ABCA13: variants seen among roughly 807,000 people sequenced by gnomAD.
ABCA13 encodes ATP-binding cassette sub-family A member 13.
In ABCA13, 476 loss-of-function variants were observed where a neutral mutation model predicts 478.7. The ratio of observed to expected loss-of-function variants is 0.99; its 90% confidence interval spans 0.92 to 1.07. The LOEUF is 1.07. Ranked by LOEUF, ABCA13 falls within the 50% of genes least tolerant of loss-of-function variation. The pLI, the probability that ABCA13 is intolerant of heterozygous loss-of-function variation, is 0.00. For missense variants in ABCA13, 6,060 were observed against 5,910.6 expected, an observed-to-expected ratio of 1.03 and a Z score of -0.83; for synonymous variants, 2,252 against 2,158.9, an observed-to-expected ratio of 1.04 and a Z score of -1.20.
intron 41 of ABCA13, among the ~76,000 whole-genome samples, chr7:48,420,943 A>G (rs888082307): frequency 2.0e-5 from 3 of 152,110 alleles, no homozygotes; most frequent in East Asian, 1.9e-4. Flanking sequence ...CATGACCTCA[A>G]TATTTTTGAA....
chr7:48,489,167 C>A (rs1240224788), intron 47 of ABCA13, 69 bp from the exon 48 acceptor site: 1 of 1,319,204 alleles, frequency 7.6e-7, no homozygotes, highest in Non-Finnish European at 1.1e-6. Context: ...CCTTAAATCC[C>A]AGAATAGTTG....
At chr7:48,301,374 T>C (rs1051981069) in intron 23 of ABCA13, among the ~76,000 whole-genome samples, 1 of 152,188 alleles carries the variant, frequency 6.6e-6, no homozygotes, top group East Asian at 1.9e-4. Context: ...GCATAATTTA[T>C]GGAGAGGGAG....
intron 48 of ABCA13, among the ~76,000 whole-genome samples, chr7:48,497,833 T>G (rs573870530): frequency 1.1e-4 from 17 of 152,318 alleles, no homozygotes; most frequent in African/African-American, 3.1e-4. Flanking sequence ...GCTGGCTCAC[T>G]TTGAAAGTAT....
chr7:48,222,318 A>T (rs1156804293), intron 5 of ABCA13, among the ~76,000 whole-genome samples: 2 of 152,252 alleles, frequency 1.3e-5, no homozygotes, highest in African/African-American at 4.8e-5. Context: ...CATTTAAAAA[A>T]GAAATTATAA....
At chr7:48,600,766 T>G (rs1452547047) in intron 58 of ABCA13, among the ~76,000 whole-genome samples, 1 of 152,144 alleles carries the variant, frequency 6.6e-6, no homozygotes, top group Non-Finnish European at 1.5e-5. Flanking sequence ...TTTATACACT[T>G]TTAAATCTTT....
At chr7:48,316,882 C>T (rs988107174) in intron 26 of ABCA13, among the ~76,000 whole-genome samples, 5 of 152,234 alleles carry the variant, frequency 3.3e-5, no homozygotes, top group African/African-American at 7.2e-5. Context: ...ACACTCATTA[C>T]TGTGACAATG....
rs1200051689 is a variant in ABCA13 at position 48,403,726 on chromosome 7, A to G, written c.11917A>G (p.Thr3973Ala). The change falls in exon 39 of 62, where the codon ACC becomes GCC. Residue 3973 changes from threonine to alanine, a missense_variant. Thr to Ala is a moderately conservative substitution (Grantham distance 58). Around this residue, in one of 3 missense-constraint regions of ABCA13, gnomAD observed 1,627 missense variants for 1,571.0 expected, o/e 1.04. Transcript: ENST00000435803. ...VDLTQHQHKQ[T>A]RALSGGLKRK... ...CTTAACTCAGCATCAGCACAAACAGACCCGAGCTCTGTCTGGAGGCCTGAA... is the reference window on the plus strand; with the variant it reads ...CTTAACTCAGCATCAGCACAAACAGGCCCGAGCTCTGTCTGGAGGCCTGAA... 2.5e-6 allele frequency: 4 copies of G among 1,613,794 alleles called. No homozygotes were observed. Among genetic ancestry groups the G allele is most frequent in the Non-Finnish European group, 2.5e-6 (3 of 1,179,876 alleles).
chr7:48,646,487 G>A lies in ABCA13; in HGVS notation c.*975G>A, dbSNP rs1795441319. 6.6e-6 allele frequency: 1 copy of A among 152,036 alleles called. No individual in the cohort carries two copies. Among genetic ancestry groups the A allele is most frequent in the Non-Finnish European group, 1.5e-5 (1 of 68,006 alleles). 9.4% of individuals were successfully genotyped at this position (152,036 alleles called of 1,614,324 possible). A position where few individuals can be genotyped will look rare whatever the true frequency, so the allele number is the denominator to read the frequency against. ...GTCTGGTTACCTCCTAGTTATACAA[G>A]CAAAATCTGCATAGTATGTAGTCTT... On this transcript the variant is annotated 3_prime_UTR_variant, in exon 62 of 62. Transcript: ENST00000435803.
chr7:48,521,687 T>C (rs1181719810), intron 53 of ABCA13, among the ~76,000 whole-genome samples: 1 of 152,194 alleles, frequency 6.6e-6, no homozygotes, highest in Non-Finnish European at 1.5e-5. Flanking sequence ...TCAAAAGATT[T>C]TTCTTTAAAG....
intron 42 of ABCA13, among the ~76,000 whole-genome samples, chr7:48,437,927 A>G (rs1251806549): frequency 1.3e-5 from 2 of 152,012 alleles, no homozygotes; most frequent in Non-Finnish European, 2.9e-5. Flanking sequence ...AGAAAGTCTC[A>G]CCTTTTTATC....
intron 55 of ABCA13, among the ~76,000 whole-genome samples, chr7:48,576,204 G>T (rs1432548276): frequency 1.3e-5 from 2 of 151,876 alleles, no homozygotes; most frequent in Non-Finnish European, 2.9e-5. Flanking sequence ...CACCCCCCAT[G>T]GATATAGAAA....
At chr7:48,560,881 T>C (rs1786383491) in intron 55 of ABCA13, among the ~76,000 whole-genome samples, 1 of 152,194 alleles carries the variant, frequency 6.6e-6, no homozygotes, top group Non-Finnish European at 1.5e-5. Context: ...CAGTCTTTGG[T>C]AATCATGATT....
At position 48,192,962 on chromosome 7, in the gene ABCA13, C is replaced by G. The variant is rs1354858883; in HGVS notation, c.73C>G (p.Leu25Val). 8.0e-6 allele frequency: 12 copies of G among 1,505,982 alleles called. 1 individual carries two copies. The Admixed American group carries it at 1.8e-4, about 22-fold the overall frequency. The allele number at this position is 1,505,982 out of a possible 1,614,324, so 93.3% of individuals were successfully genotyped here. A position where few individuals can be genotyped will look rare whatever the true frequency, so the allele number is the denominator to read the frequency against. Residue 25 changes from leucine to valine, a missense_variant, in exon 2 of 62, where the codon CTT (leucine) becomes GTT (valine). Physicochemically the swap from Leu to Val is conservative, Grantham distance 32 (BLOSUM62 1). This residue lies in a region of ABCA13 where 4,423 missense variants were observed against 4,309.1 expected (regional missense o/e 1.03). Transcript: ENST00000435803. ...TTTTTTTTTTTTAATTTTCTAGGTC[C>G]TTTTCCTTGCTGAATTCTTCTGGCC... ...NWLCRLRNPV[L>V]FLAEFFWPCI... is the part of the protein sequence containing the mutation.
chr7:48,273,013 A>G lies in ABCA13; in HGVS notation c.3347A>G (p.Glu1116Gly). ...TCTTCCGTAAATTATTCAACAAGTG[A>G]GGAGTCTTCATTTGTTTTTCCATTG... ...HISSVNYSTS[E>G]ESSFVFPLAQ... Residue 1116 changes from glutamate (E) to glycine (G), a missense_variant, in exon 17 of 62, where the codon GAG (glutamate) becomes GGG (glycine). By Grantham distance (98) the Glu-to-Gly change is moderately conservative. Coordinates refer to ENST00000435803, the MANE Select transcript of ABCA13 (RefSeq NM_152701.5). 1 of 1,613,682 alleles carries G rather than the reference A, an allele frequency of 6.2e-7. No homozygotes were observed. Among genetic ancestry groups the G allele is most frequent in the Non-Finnish European group, 8.5e-7 (1 of 1,179,730 alleles).
Position 48,355,766 on chromosome 7 carries a change from C to T in ABCA13, c.10688+3279C>T, listed in dbSNP as rs529844466. Among the ~76,000 whole-genome samples the T allele has an allele frequency of 1.7e-4, 26 of 152,008 alleles. No homozygotes were observed. In the South Asian group the frequency reaches 3.7e-3, roughly 22 times the overall value. On this transcript the variant is annotated intron_variant, in intron 31 of 61. Transcript: ENST00000435803. The stretch of plus-strand genomic sequence containing the variant: ...TGATAGAGAGACATCGAGGAAGATT[C>T]CCCTATTTTGGTCCAAGTAACTGGA...
In ABCA13 at chr7:48,279,748, T is replaced by G. The variant is rs753457828; in HGVS notation, c.8554T>G (p.Phe2852Val). ...RTLFQPLFEI[F>V]IKATTGKNVT... The stretch of plus-strand genomic sequence containing the variant: ...TTTGTTTCAGCCACTTTTTGAGATT[T>G]TCATTAAAGCAACCACCGGAAAGAA... Residue 2852 changes from phenylalanine (F) to valine (V), a missense_variant, in exon 18 of 62, where the codon TTC (phenylalanine) becomes GTC (valine). Phe to Val is a conservative substitution (Grantham distance 50, BLOSUM62 -1). Around this residue, in one of 3 missense-constraint regions of ABCA13, gnomAD observed 4,423 missense variants for 4,309.1 expected, o/e 1.03. Transcript: ENST00000435803. 1 of 1,612,712 alleles carries G rather than the reference T, an allele frequency of 6.2e-7. No homozygotes were observed. Among genetic ancestry groups the G allele is most frequent in the Admixed American group, 1.7e-5 (1 of 59,826 alleles).
rs1795466814 is a variant in ABCA13 at position 48,646,835 on chromosome 7, T to A, written c.*1323T>A. The A allele has an allele frequency of 6.6e-6, 1 of 152,208 alleles. No homozygotes were observed. The highest frequency in any genetic ancestry group is 1.5e-5 in the Non-Finnish European group (1 of 68,040). The allele number at this position is 152,208 out of a possible 1,614,324, so 9.4% of individuals were successfully genotyped here. On this transcript the variant is annotated 3_prime_UTR_variant, in exon 62 of 62. Coordinates refer to ENST00000435803, the MANE Select transcript of ABCA13 (RefSeq NM_152701.5). ...TGTCCGGCCGTAGTTTATTTTAAAA[T>A]ATATTTTTAAAAGCTTTGTAAAAAT... is the stretch of plus-strand genomic sequence containing the variant.
chr7:48,487,485 G>GT lies in ABCA13; in HGVS notation c.13183-1741dup, dbSNP rs201697188. Reference sequence around the variant, plus strand: ...TACTGTAGTGTGGTGTCATTTTTAAGTTTTTTTTTTAATCACTCTACTTTT... The same window carrying GT: ...TACTGTAGTGTGGTGTCATTTTTAAGTTTTTTTTTTTAATCACTCTACTTTT... On this transcript the variant is annotated intron_variant, in intron 47 of 61. Transcript: ENST00000435803. Among the ~76,000 whole-genome samples the GT allele has an allele frequency of 9.2e-3, 1,372 of 149,048 alleles. 18 individuals are homozygous for GT. The highest frequency in any genetic ancestry group is 0.03 in the African/African-American group (1,216 of 40,734).
At chr7:48,230,259 C>A (rs879572112) in intron 7 of ABCA13, among the ~76,000 whole-genome samples, 2 of 152,120 alleles carry the variant, frequency 1.3e-5, no homozygotes, top group Non-Finnish European at 2.9e-5. Flanking sequence ...TTAGACCTAT[C>A]ACTAGCTCTG....
Sources: allele counts gnomAD v4.1 joint callset (sites outside exome capture counted in the v4.1 genomes callset), GRCh38; gene constraint gnomAD v4.1.1; regional missense constraint gnomAD v4.1.1; transcripts MANE v1.5; gene names NCBI Gene and HGNC (gene_info 2026-07-23, HGNC 2026-07-21).